The following PDZD8 variants were observed in gnomAD, a reference collection of about 807,000 sequenced individuals.
PDZD8 encodes PDZ domain containing 8, also known as PDZ domain-containing protein 8.
A neutral mutation model predicts 85.8 loss-of-function variants in PDZD8; 14 were observed. That is an observed-to-expected ratio of 0.16 (90% CI 0.11 to 0.26). PDZD8 has a LOEUF of 0.26. Among genes scored for constraint, PDZD8 ranks in the 10% least tolerant of loss-of-function variants. The pLI, the probability that PDZD8 is intolerant of heterozygous loss-of-function variation, is 1.00. For missense variants in PDZD8, 1,197 were observed against 1,424.3 expected, an observed-to-expected ratio of 0.84 and a Z score of 2.57; for synonymous variants, 592 against 568.6, an observed-to-expected ratio of 1.04 and a Z score of -0.59.
chr10:117,328,693 T>C (rs1468828861), intron 2 of PDZD8, among the ~76,000 whole-genome samples: 1 of 152,206 alleles, frequency 6.6e-6, no homozygotes, highest in Non-Finnish European at 1.5e-5. Context: ...TTGTTCTATT[T>C]CCTTGTTTCT....
At chr10:117,371,631 T>C (rs1274003158) in intron 1 of PDZD8, among the ~76,000 whole-genome samples, 1 of 152,122 alleles carries the variant, frequency 6.6e-6, no homozygotes, top group Non-Finnish European at 1.5e-5. Flanking sequence ...ATCAATCCCA[T>C]TCTAGTTTAA....
At chr10:117,367,374 G>A (rs180943796) in intron 1 of PDZD8, among the ~76,000 whole-genome samples, 4 of 152,044 alleles carry the variant, frequency 2.6e-5, no homozygotes, top group East Asian at 1.9e-4. Flanking sequence ...TAGCGCCACC[G>A]CACTCCAGCC....
chr10:117,283,639 T>G lies in PDZD8; in HGVS notation c.3094A>C (p.Arg1032=), dbSNP rs1565014735. 2 of 1,614,234 alleles carry G rather than the reference T, an allele frequency of 1.2e-6. No individual in the cohort carries two copies. Among genetic ancestry groups the G allele is most frequent in the East Asian group, 4.5e-5 (2 of 44,882 alleles). ...AACATGAACTCTAGTTTCTGGATCC[T>G]TTCCTCTGTAGGCAAGCCCCTGTAC... ...DLYRGLPTEE[R]IQKLEFMLDK... Residue 1032 remains arginine (R), a synonymous_variant, in exon 5 of 5, where the codon AGG becomes CGG. Coordinates refer to ENST00000334464, the MANE Select transcript of PDZD8 (RefSeq NM_173791.5).
intron 1 of PDZD8, among the ~76,000 whole-genome samples, chr10:117,344,077 G>GC (rs1365686177): frequency 1.3e-5 from 2 of 152,094 alleles, no homozygotes; most frequent in African/African-American, 4.8e-5. Flanking sequence ...AGGCTTCCCC[G>GC]CAAAATAGTC....
rs765240847 is a variant in PDZD8, at chr10:117,341,086, G to C, written c.889C>G (p.Pro297Ala). The change falls in exon 2 of 5, where the codon CCA becomes GCA. Residue 297 changes from proline (P) to alanine (A), a missense_variant. This residue lies in a region of PDZD8 where 344 missense variants were observed against 453.6 expected (regional missense o/e 0.76). Transcript: ENST00000334464. ...TCAAATCCTTGCAAGGTCTGGTATG[G>C]AAAAAACGGCTTAAACCTGACAAAA... ...NYKIRFKPFF[P>A]YQTLQGFEED... The C allele has an allele frequency of 6.2e-7, 1 of 1,613,274 alleles. No homozygotes were observed. The highest frequency in any genetic ancestry group is 8.5e-7 in the Non-Finnish European group (1 of 1,179,408).
intron 1 of PDZD8, among the ~76,000 whole-genome samples, chr10:117,352,363 T>G (rs1030361107): frequency 6.6e-6 from 1 of 152,194 alleles, no homozygotes; most frequent in Non-Finnish European, 1.5e-5. Flanking sequence ...TTTGTGACAA[T>G]TAGAGCTAGT....
intron 1 of PDZD8, among the ~76,000 whole-genome samples, chr10:117,365,307 T>TA (rs1333201856): frequency 3.3e-5 from 5 of 152,092 alleles, no homozygotes; most frequent in African/African-American, 9.7e-5. Flanking sequence ...ATGAAGTAGG[T>TA]ATATATAGAA....
chr10:117,344,619 C>T (rs556888505), intron 1 of PDZD8, among the ~76,000 whole-genome samples: 10 of 152,254 alleles, frequency 6.6e-5, no homozygotes, highest in African/African-American at 2.4e-4. Context: ...TATCTCCTGA[C>T]CTCGTGATCT....
In PDZD8 at chr10:117,283,089, C is replaced by T; in HGVS notation, c.*179G>A. On this transcript the variant is annotated 3_prime_UTR_variant, in exon 5 of 5. Transcript: ENST00000334464. ...AGCTATAAATGCAATCCAAAACAAC[C>T]AATTAGTAAGCTGGTCATGTTTTTA... The T allele has an allele frequency of 1.7e-6, 1 of 576,590 alleles. No individual in the cohort carries two copies. The highest frequency in any genetic ancestry group is 2.9e-6 in the Non-Finnish European group (1 of 346,386). 35.7% of individuals were successfully genotyped at this position (576,590 alleles called of 1,614,324 possible).
At chr10:117,332,593 G>T (rs1237416931) in intron 2 of PDZD8, among the ~76,000 whole-genome samples, 1 of 139,756 alleles carries the variant, frequency 7.2e-6, no homozygotes, top group African/African-American at 2.7e-5. Context: ...CGCAACCTCC[G>T]CCTCCTGGGT....
intron 3 of PDZD8, among the ~76,000 whole-genome samples, chr10:117,313,269 G>C (rs537514607): frequency 6.6e-6 from 1 of 152,090 alleles, no homozygotes; most frequent in Non-Finnish European, 1.5e-5. Flanking sequence ...ATATATACCA[G>C]ATTTCAAAGA....
At chr10:117,367,786 T>C (rs77767227) in intron 1 of PDZD8, among the ~76,000 whole-genome samples, 2,143 of 151,576 alleles carry the variant, frequency 0.014, 49 homozygotes, top group African/African-American at 0.048. Flanking sequence ...ATAAAAAAAT[T>C]AGCTGGGCAT....
At chr10:117,363,487 A>G (rs557985498) in intron 1 of PDZD8, among the ~76,000 whole-genome samples, 1 of 152,292 alleles carries the variant, frequency 6.6e-6, no homozygotes, top group South Asian at 2.1e-4. Context: ...ATAGTTATTT[A>G]TAACTGTAGA....
intron 4 of PDZD8, among the ~76,000 whole-genome samples, chr10:117,289,211 T>C (rs577187209): frequency 3.3e-5 from 5 of 152,280 alleles, no homozygotes. Context: ...TGATCAGAGA[T>C]TCCCATGTGA....
At chr10:117,302,619 A>T (rs999934267) in intron 3 of PDZD8, among the ~76,000 whole-genome samples, 4 of 152,216 alleles carry the variant, frequency 2.6e-5, no homozygotes, top group African/African-American at 7.2e-5. Flanking sequence ...TTATATATGC[A>T]GTTGTGCCTT....
chr10:117,367,577 G>C (rs770501738), intron 1 of PDZD8, among the ~76,000 whole-genome samples: 6 of 152,202 alleles, frequency 3.9e-5, no homozygotes, highest in Non-Finnish European at 8.8e-5. Context: ...AGCAGCTGGA[G>C]GAAATCCAAT....
chr10:117,363,825 G>A (rs1845038454), intron 1 of PDZD8, among the ~76,000 whole-genome samples: 1 of 152,052 alleles, frequency 6.6e-6, no homozygotes, highest in Non-Finnish European at 1.5e-5. Context: ...AATACATGAA[G>A]AATTCACAGG....
intron 3 of PDZD8, 55 bp from the exon 4 acceptor site, chr10:117,290,403 G>A: frequency 1.4e-5 from 20 of 1,398,940 alleles, no homozygotes; most frequent in Admixed American, 6.4e-5. Context: ...TAGTAATAGA[G>A]GAAAAAAACA....
intron 2 of PDZD8, among the ~76,000 whole-genome samples, chr10:117,331,805 T>C (rs1252772208): frequency 6.6e-6 from 1 of 152,162 alleles, no homozygotes; most frequent in Non-Finnish European, 1.5e-5. Flanking sequence ...AGTGGAGGTA[T>C]ACAATTACAA....
Sources: allele counts gnomAD v4.1 joint callset (sites outside exome capture counted in the v4.1 genomes callset), GRCh38; gene constraint gnomAD v4.1.1; regional missense constraint gnomAD v4.1.1; transcripts MANE v1.5; gene names NCBI Gene and HGNC (gene_info 2026-07-23, HGNC 2026-07-21).